NRXN3: variants seen among roughly 807,000 people sequenced by gnomAD.
The protein encoded by NRXN3 is neurexin III.
Under a neutral mutation model 137.6 loss-of-function variants are expected in NRXN3, and 32 were observed. The ratio of observed to expected loss-of-function variants is 0.23; its 90% confidence interval spans 0.18 to 0.31. NRXN3 has a LOEUF of 0.31. Among genes scored for constraint, NRXN3 ranks in the 10% least tolerant of loss-of-function variants. NRXN3 has a pLI of 1.00. For synonymous variants in NRXN3, 798 were observed against 784.5 expected (o/e 1.02, Z -0.29); for missense variants, 1,574 against 2,062.5 (o/e 0.76, Z 4.59).
intron 15 of NRXN3, among the ~76,000 whole-genome samples, chr14:79,005,323 T>G (rs145009720): frequency 1.2e-4 from 18 of 152,354 alleles, no homozygotes; most frequent in Non-Finnish European, 2.2e-4. Flanking sequence ...AATTACTTCC[T>G]GTAAATCCAT....
intron 16 of NRXN3, among the ~76,000 whole-genome samples, chr14:79,631,989 A>G (rs1475679312): frequency 6.6e-6 from 1 of 152,184 alleles, no homozygotes; most frequent in South Asian, 2.1e-4. Flanking sequence ...CGGTAGGGCC[A>G]GATAAGGAAA....
intron 10 of NRXN3, among the ~76,000 whole-genome samples, chr14:78,824,136 T>C (rs1160457408): frequency 7.8e-6 from 1 of 128,872 alleles, no homozygotes; most frequent in Non-Finnish European, 1.6e-5. Context: ...CCAGAGCTGG[T>C]TTCTGTTGCT....
intron 16 of NRXN3, among the ~76,000 whole-genome samples, chr14:79,497,421 C>T (rs1358783326): frequency 2.6e-5 from 4 of 152,052 alleles, no homozygotes; most frequent in African/African-American, 9.7e-5. Context: ...CCTTTCCCAC[C>T]TCCCTCCAAA....
intron 15 of NRXN3, among the ~76,000 whole-genome samples, chr14:79,128,765 C>T (rs1343354150): frequency 1.3e-5 from 2 of 152,130 alleles, no homozygotes; most frequent in Non-Finnish European, 2.9e-5. Flanking sequence ...CCAATTCCTC[C>T]TTGTACCTCT....
At chr14:79,551,535 G>C (rs1485048418) in intron 16 of NRXN3, among the ~76,000 whole-genome samples, 1 of 152,140 alleles carries the variant, frequency 6.6e-6, no homozygotes, top group Non-Finnish European at 1.5e-5. Flanking sequence ...CTTTTAAGAA[G>C]ATCTGAATGG....
chr14:79,698,048 T>C, intron 19 of NRXN3, 111 bp downstream of exon 19: 1 of 953,326 alleles, frequency 1.0e-6, no homozygotes, highest in Non-Finnish European at 1.5e-6. Flanking sequence ...GTAAGAAGGA[T>C]GCTGGCAGAT....
intron 11 of NRXN3, among the ~76,000 whole-genome samples, chr14:78,963,324 G>C (rs1435730097): frequency 6.6e-6 from 1 of 152,110 alleles, no homozygotes; most frequent in African/African-American, 2.4e-5. Flanking sequence ...CTTCACCAGA[G>C]ATTCCCCATT....
chr14:79,447,706 TG>T (rs2096086556), intron 15 of NRXN3, among the ~76,000 whole-genome samples: 1 of 152,220 alleles, frequency 6.6e-6, no homozygotes, highest in Non-Finnish European at 1.5e-5. Context: ...CTCTAGGAAG[TG>T]CTTTTACACC....
At chr14:78,553,651 G>A (rs560493592) in intron 4 of NRXN3, among the ~76,000 whole-genome samples, 1 of 152,324 alleles carries the variant, frequency 6.6e-6, no homozygotes, top group Admixed American at 6.5e-5. Flanking sequence ...TGGTAACGAA[G>A]TTCTAATTTT....
At chr14:78,987,896 G>T (rs543561622) in intron 14 of NRXN3, 126 bp from the exon 15 acceptor site, 4 of 1,022,216 alleles carry the variant, frequency 3.9e-6, no homozygotes, top group Non-Finnish European at 5.6e-6. Context: ...GACAATTTTG[G>T]TGGTGTGTCT....
chr14:79,175,436 T>C, intron 15 of NRXN3, among the ~76,000 whole-genome samples: 1 of 152,222 alleles, frequency 6.6e-6, no homozygotes, highest in East Asian at 1.9e-4. Context: ...ACCAATCCTT[T>C]TCAGAGAAAA....
rs57732400 is a variant in NRXN3, at chr14:78,532,729, G to A, written c.758-112391G>A. Among the ~76,000 whole-genome samples the A allele has an allele frequency of 1.7e-3, 259 of 151,178 alleles. 1 individual carries two copies. The highest frequency in any genetic ancestry group is 6.0e-3 in the African/African-American group (247 of 41,174). ...TTAGCTCCCATCTTTGTTTATCTTC[G>A]CTTTCTTCTTCTTTTTTTTTTCCTT... On this transcript the variant is annotated intron_variant, in intron 4 of 20. Transcript: ENST00000335750.
At chr14:78,832,210 A>G (rs2098984487) in intron 10 of NRXN3, among the ~76,000 whole-genome samples, 1 of 152,214 alleles carries the variant, frequency 6.6e-6, no homozygotes, top group Non-Finnish European at 1.5e-5. Flanking sequence ...CTGGTTGCAT[A>G]TACTTAAACC....
chr14:78,484,270 A>ATG (rs2095526293), intron 4 of NRXN3, among the ~76,000 whole-genome samples: 1 of 152,184 alleles, frequency 6.6e-6, no homozygotes, highest in Non-Finnish European at 1.5e-5. Flanking sequence ...ACACCAATGA[A>ATG]TGGTTCTAGT....
At chr14:78,991,988 G>A (rs1400755093) in intron 15 of NRXN3, among the ~76,000 whole-genome samples, 1 of 152,182 alleles carries the variant, frequency 6.6e-6, no homozygotes, top group African/African-American at 2.4e-5. Context: ...AAACATAGCT[G>A]TGCAAAGCTG....
chr14:78,705,399 A>C (rs1382434389), intron 6 of NRXN3, among the ~76,000 whole-genome samples: 1 of 152,198 alleles, frequency 6.6e-6, no homozygotes, highest in African/African-American at 2.4e-5. Context: ...GGTTCTGCAC[A>C]GAGCAGGTGG....
chr14:78,874,889 C>G (rs1490218947), intron 10 of NRXN3, among the ~76,000 whole-genome samples: 1 of 152,150 alleles, frequency 6.6e-6, no homozygotes, highest in African/African-American at 2.4e-5. Flanking sequence ...AAATTGATGC[C>G]TGATAATCTG....
chr14:79,299,486 G>A (rs965735025), intron 15 of NRXN3, among the ~76,000 whole-genome samples: 1 of 152,106 alleles, frequency 6.6e-6, no homozygotes, highest in Non-Finnish European at 1.5e-5. Flanking sequence ...GCAAACAAAT[G>A]AGTGTGAGTA....
intron 15 of NRXN3, among the ~76,000 whole-genome samples, chr14:79,171,559 G>A (rs2153095411): frequency 6.6e-6 from 1 of 152,206 alleles, no homozygotes; most frequent in Non-Finnish European, 1.5e-5. Context: ...CATGCATAAT[G>A]ACACTATCCT....
Sources: gnomAD v4.1 joint callset for allele counts (sites outside exome capture counted in the v4.1 genomes callset) on GRCh38, gnomAD v4.1.1 for gene constraint, MANE v1.5 for transcripts, NCBI Gene and HGNC (gene_info 2026-07-23, HGNC 2026-07-21) for gene names.